The following ABCC4 variants were observed in gnomAD, a reference collection of about 807,000 sequenced individuals.
The protein encoded by ABCC4 is ATP-binding cassette sub-family C member 4.
In ABCC4, 102 loss-of-function variants were observed where a neutral mutation model predicts 168.5. That is an observed-to-expected ratio of 0.61 (90% CI 0.52 to 0.71). The LOEUF (loss-of-function observed/expected upper bound fraction) is 0.71, where lower values mean the gene tolerates loss of function less well. ABCC4 is among the 30% of genes least tolerant of loss of function. The probability of loss-of-function intolerance (pLI) is 0.00; values close to 1 mark genes in which losing one functional copy is unlikely to be tolerated. For missense variants in ABCC4, 1,402 were observed against 1,605.8 expected (o/e 0.87, Z 2.17); for synonymous variants, 617 against 590.7 (o/e 1.04, Z -0.65).
chr13:95,168,914 T>C (rs1317389417), intron 14 of ABCC4, among the ~76,000 whole-genome samples: 1 of 152,072 alleles, frequency 6.6e-6, no homozygotes, highest in Non-Finnish European at 1.5e-5. Flanking sequence ...CAAAACTGGA[T>C]TTTTGCAGAT....
chr13:95,133,292 T>G (rs2036037521), intron 19 of ABCC4, among the ~76,000 whole-genome samples: 1 of 151,864 alleles, frequency 6.6e-6, no homozygotes, highest in Non-Finnish European at 1.5e-5. Flanking sequence ...TTTTGTATTT[T>G]CAGTATAGAT....
At chr13:95,177,933 G>C in intron 12 of ABCC4, 64 bp downstream of exon 12, 1 of 1,557,864 alleles carries the variant, frequency 6.4e-7, no homozygotes, top group Non-Finnish European at 8.9e-7. Context: ...CAGGTCCTAT[G>C]TGCTCACCAC....
Position 95,207,921 on chromosome 13 carries a change from T to C in ABCC4, c.790A>G (p.Lys264Glu). The change falls in exon 7 of 31, where the codon AAA (lysine) becomes GAA (glutamate). Residue 264 changes from lysine (K) to glutamate (E), a missense_variant. By Grantham distance (56) the Lys-to-Glu change is moderately conservative. Transcript: ENST00000645237. ...FGKLFSSLRS[K>E]TATFTDARIR... Reference sequence around the variant, plus strand: ...CTGGCATCCGTGAAAGTTGCAGTTTTACTCCTAAGGGGAACCAGACACGGG... The same window carrying C: ...CTGGCATCCGTGAAAGTTGCAGTTTCACTCCTAAGGGGAACCAGACACGGG... 1 of 1,613,778 alleles carries C rather than the reference T, an allele frequency of 6.2e-7. No homozygotes were observed. The highest frequency in any genetic ancestry group is 8.5e-7 in the Non-Finnish European group (1 of 1,179,956).
In ABCC4 at chr13:95,194,307, G is replaced by A. The variant is rs144561689; in HGVS notation, c.1263+529C>T. Among the ~76,000 whole-genome samples, 497 of 152,208 alleles carry A rather than the reference G, an allele frequency of 3.3e-3. 6 individuals are homozygous for A. The highest frequency in any genetic ancestry group is 0.011 in the African/African-American group (468 of 41,526). On this transcript the variant is annotated intron_variant, in intron 9 of 30. Transcript: ENST00000645237. Reference sequence around the variant, plus strand: ...CTACGCCGGCCTGCAGCCTCCCCTCGGCCTTGGGCTGCCACCAAAGCAGCT... The same window carrying A: ...CTACGCCGGCCTGCAGCCTCCCCTCAGCCTTGGGCTGCCACCAAAGCAGCT...
chr13:95,125,796 T>C (rs2035738471), intron 19 of ABCC4, among the ~76,000 whole-genome samples: 1 of 152,200 alleles, frequency 6.6e-6, no homozygotes, highest in Non-Finnish European at 1.5e-5. Context: ...ATGATTATTT[T>C]ACATTTGCTA....
chr13:95,043,542 T>C (rs1000466283), intron 29 of ABCC4, 140 bp downstream of exon 29: 1 of 588,872 alleles, frequency 1.7e-6, no homozygotes, highest in Middle Eastern at 2.9e-4. Context: ...GTTAAGCATA[T>C]GAATTACTGC....
chr13:95,154,605 G>A (rs906091064), intron 19 of ABCC4, among the ~76,000 whole-genome samples: 2 of 152,192 alleles, frequency 1.3e-5, no homozygotes, highest in Non-Finnish European at 2.9e-5. Context: ...ATTTTAGCAC[G>A]AAGCTTTGCC....
intron 19 of ABCC4, among the ~76,000 whole-genome samples, chr13:95,136,081 AAAATT>A (rs1476050359): frequency 1.3e-5 from 2 of 152,212 alleles, no homozygotes; most frequent in African/African-American, 4.8e-5. Flanking sequence ...AATTTAATAT[AAAATT>A]AAGTAGAACA....
chr13:95,153,682 G>C (rs2036764484), intron 19 of ABCC4, among the ~76,000 whole-genome samples: 1 of 152,076 alleles, frequency 6.6e-6, no homozygotes, highest in Non-Finnish European at 1.5e-5. Flanking sequence ...CTGTTACTAA[G>C]TTGTCAGTAT....
At chr13:95,133,662 A>G (rs2139459131) in intron 19 of ABCC4, among the ~76,000 whole-genome samples, 1 of 152,304 alleles carries the variant, frequency 6.6e-6, no homozygotes, top group Non-Finnish European at 1.5e-5. Flanking sequence ...CCAACAAAGG[A>G]GAACTCTCCT....
chr13:95,193,831 A>C (rs962638314), intron 9 of ABCC4, among the ~76,000 whole-genome samples: 7 of 152,228 alleles, frequency 4.6e-5, no homozygotes, highest in Admixed American at 3.3e-4. Flanking sequence ...TCAGAGGCGA[A>C]CGCCTCATGG....
chr13:95,029,810 C>G (rs529999691), intron 30 of ABCC4, among the ~76,000 whole-genome samples: 89 of 152,270 alleles, frequency 5.8e-4, no homozygotes, highest in African/African-American at 2.0e-3. Context: ...TCATTTAATA[C>G]ATGTTAACAG....
chr13:95,198,370 C>G (rs924042997), intron 8 of ABCC4, among the ~76,000 whole-genome samples: 6 of 152,186 alleles, frequency 3.9e-5, no homozygotes, highest in African/African-American at 1.4e-4. Flanking sequence ...CTCATTATCA[C>G]TGGTCATTAA....
intron 20 of ABCC4, among the ~76,000 whole-genome samples, chr13:95,089,221 CAA>C (rs2034351152): frequency 6.6e-6 from 1 of 152,036 alleles, no homozygotes; most frequent in South Asian, 2.1e-4. Context: ...AGATGGGTCA[CAA>C]GATGATTTTG....
chr13:95,137,009 G>A (rs2036163795), intron 19 of ABCC4, among the ~76,000 whole-genome samples: 1 of 152,238 alleles, frequency 6.6e-6, no homozygotes, highest in South Asian at 2.1e-4. Context: ...TTGCTCTGCA[G>A]AGAACTCTGG....
At chr13:95,121,852 C>T (rs926437429) in intron 19 of ABCC4, among the ~76,000 whole-genome samples, 1 of 152,164 alleles carries the variant, frequency 6.6e-6, no homozygotes, top group Non-Finnish European at 1.5e-5. Context: ...AACATAGGGC[C>T]TTACATCCAT....
intron 4 of ABCC4, among the ~76,000 whole-genome samples, chr13:95,229,443 A>C (rs2039555657): frequency 6.6e-6 from 1 of 152,220 alleles, no homozygotes; most frequent in Admixed American, 6.5e-5. Flanking sequence ...AAAAGTCTGC[A>C]AACAGCAGAG....
At chr13:95,083,394 AT>A in intron 20 of ABCC4, 104 bp from the exon 21 acceptor site, 3 of 1,355,896 alleles carry the variant, frequency 2.2e-6, no homozygotes, top group Non-Finnish European at 3.0e-6. Context: ...TGAAAGACTT[AT>A]TGTAGTACCA....
chr13:95,086,087 T>TTGTGTGTGTGTGTGTGTGTGTG (rs55973195), intron 20 of ABCC4, among the ~76,000 whole-genome samples: 95 of 142,090 alleles, frequency 6.7e-4, no homozygotes, highest in South Asian at 2.4e-3. Flanking sequence ...TTTAAGGTTA[T>TTGTGTGTGTGTGTGTGTGTGTG]TGTGTGTGTG....
Sources: allele counts gnomAD v4.1 joint callset (sites outside exome capture counted in the v4.1 genomes callset), GRCh38; gene constraint gnomAD v4.1.1; transcripts MANE v1.5; gene names NCBI Gene and HGNC (gene_info 2026-07-23, HGNC 2026-07-21).